ASIC2: variants seen among roughly 807,000 people sequenced by gnomAD.
The protein encoded by ASIC2 is acid sensing ion channel subunit 2.
A neutral mutation model predicts 57.3 loss-of-function variants in ASIC2; 25 were observed. The observed-to-expected ratio is 0.44, with a 90% CI of 0.32 to 0.61. ASIC2 has a LOEUF of 0.61. Among genes scored for constraint, ASIC2 ranks in the 20% least tolerant of loss-of-function variants. ASIC2 has a pLI of 0.06. For synonymous variants in ASIC2, 319 were observed against 307.5 expected (o/e 1.04, Z -0.39); for missense variants, 641 against 738.1 (o/e 0.87, Z 1.52).
chr17:33,974,377 T>C (rs373010708), intron 1 of ASIC2, among the ~76,000 whole-genome samples: 3 of 152,312 alleles, frequency 2.0e-5, no homozygotes, highest in East Asian at 3.9e-4. Context: ...TGTGTGTGTA[T>C]GTATGTGTGT....
intron 1 of ASIC2, among the ~76,000 whole-genome samples, chr17:33,698,978 T>A (rs1344896276): frequency 6.6e-6 from 1 of 152,128 alleles, no homozygotes; most frequent in East Asian, 1.9e-4. Flanking sequence ...CAAAATGCTG[T>A]CTCCTCATTG....
intron 1 of ASIC2, chr17:33,794,836 G>C (rs1911869636): frequency 6.6e-6 from 1 of 152,140 alleles, no homozygotes; most frequent in Non-Finnish European, 1.5e-5. Flanking sequence ...ACCAGCAGCA[G>C]GTAGCACAGT....
chr17:33,267,757 G>C (rs1909521316), intron 1 of ASIC2, among the ~76,000 whole-genome samples: 1 of 152,166 alleles, frequency 6.6e-6, no homozygotes, highest in African/African-American at 2.4e-5. Flanking sequence ...TCCGGGGAGG[G>C]ACAGGATACC....
intron 1 of ASIC2, chr17:34,082,160 C>T (rs1228437297): frequency 6.6e-6 from 1 of 152,210 alleles, no homozygotes; most frequent in Non-Finnish European, 1.5e-5. Flanking sequence ...AGGAAGCCTT[C>T]TCAAAGTCCA....
At chr17:33,423,358 A>C (rs1353426612) in intron 1 of ASIC2, among the ~76,000 whole-genome samples, 1 of 152,162 alleles carries the variant, frequency 6.6e-6, no homozygotes, top group Non-Finnish European at 1.5e-5. Flanking sequence ...TGACTGGGGA[A>C]CTACAGGCTG....
At chr17:33,600,863 C>G (rs912458996) in intron 1 of ASIC2, among the ~76,000 whole-genome samples, 1 of 152,028 alleles carries the variant, frequency 6.6e-6, no homozygotes, top group Middle Eastern at 3.2e-3. Flanking sequence ...AGGTCTCAGA[C>G]AGAAATGAGG....
chr17:33,731,141 T>C (rs535820779), intron 1 of ASIC2, among the ~76,000 whole-genome samples: 1 of 152,354 alleles, frequency 6.6e-6, no homozygotes, highest in African/African-American at 2.4e-5. Context: ...ACCCTGTTTA[T>C]ATTCTCACAC....
At chr17:34,019,527 ACCCTC>A (rs1907083926) in intron 1 of ASIC2, among the ~76,000 whole-genome samples, 1 of 152,192 alleles carries the variant, frequency 6.6e-6, no homozygotes, top group South Asian at 2.1e-4. Context: ...CTGAGGCAAG[ACCCTC>A]CACCAGCAAA....
chr17:34,133,269 T>C (rs554244232), intron 1 of ASIC2, among the ~76,000 whole-genome samples: 8 of 149,374 alleles, frequency 5.4e-5, no homozygotes, highest in African/African-American at 1.7e-4. Flanking sequence ...TTGGTTATTT[T>C]CTACTTTTAT....
chr17:33,880,759 A>G (rs1423192859), intron 1 of ASIC2, among the ~76,000 whole-genome samples: 2 of 152,232 alleles, frequency 1.3e-5, no homozygotes, highest in African/African-American at 4.8e-5. Context: ...AACTCATTTT[A>G]TGAGGCCAGC....
At chr17:33,476,740 G>C (rs1239565970) in intron 1 of ASIC2, among the ~76,000 whole-genome samples, 1 of 151,932 alleles carries the variant, frequency 6.6e-6, no homozygotes, top group African/African-American at 2.4e-5. Context: ...CAGATGAAAA[G>C]AGTAGGCTCT....
At chr17:33,577,465 T>G (rs1229443068) in intron 1 of ASIC2, among the ~76,000 whole-genome samples, 1 of 152,120 alleles carries the variant, frequency 6.6e-6, no homozygotes, top group African/African-American at 2.4e-5. Context: ...GGCCTCCCCA[T>G]GCTGTGGAGA....
intron 1 of ASIC2, among the ~76,000 whole-genome samples, chr17:33,510,642 T>C (rs1023199246): frequency 1.3e-5 from 2 of 151,984 alleles, no homozygotes; most frequent in Non-Finnish European, 2.9e-5. Context: ...AAAATAAAAC[T>C]AAACATTAAA....
intron 1 of ASIC2, among the ~76,000 whole-genome samples, chr17:33,397,683 C>T (rs376353010): frequency 1.1e-4 from 16 of 152,106 alleles, no homozygotes; most frequent in African/African-American, 3.6e-4. Flanking sequence ...GCCCTTGGAA[C>T]CCTAGAGAAA....
In ASIC2 at chr17:33,104,446, T is replaced by C. The variant is rs1597579586; in HGVS notation, c.859+7471A>G. Among the ~76,000 whole-genome samples, 5 of 152,192 alleles carry C rather than the reference T, an allele frequency of 3.3e-5. No homozygotes were observed. In the South Asian group the frequency reaches 1.0e-3, roughly 32 times the overall value. On this transcript the variant is annotated intron_variant, in intron 2 of 9. Coordinates refer to ENST00000225823, the MANE Select transcript of ASIC2 (RefSeq NM_183377.2). Reference sequence around the variant, plus strand: ...ACCAGCACTTTTAATCCCAATGACATCTGCCTCCCATCCAGTGGTTTTCAA... The same window carrying C: ...ACCAGCACTTTTAATCCCAATGACACCTGCCTCCCATCCAGTGGTTTTCAA...
intron 1 of ASIC2, among the ~76,000 whole-genome samples, chr17:33,168,774 G>A (rs565455200): frequency 6.6e-6 from 1 of 152,098 alleles, no homozygotes; most frequent in East Asian, 1.9e-4. Flanking sequence ...AATACTTAAA[G>A]ACAAAATTTA....
intron 1 of ASIC2, among the ~76,000 whole-genome samples, chr17:33,687,423 T>C (rs569868889): frequency 2.0e-5 from 3 of 152,178 alleles, no homozygotes; most frequent in Non-Finnish European, 2.9e-5. Flanking sequence ...GTGATGTTTC[T>C]CATGCGTCAG....
rs146871397 is a variant in ASIC2, at chr17:33,489,550, C to T, written c.556-377483G>A. Among the ~76,000 whole-genome samples the T allele has an allele frequency of 4.1e-4, 62 of 152,280 alleles. 1 individual carries two copies. The highest frequency in any genetic ancestry group is 1.5e-3 in the African/African-American group (61 of 41,558). On this transcript the variant is annotated intron_variant, in intron 1 of 9. Transcript: ENST00000359872. ...CCCCCACCCAAGTCAGCTCACTGGCCCTGGACACTGAAGCTGTCAGTTTCC... is the reference window on the plus strand; with the variant it reads ...CCCCCACCCAAGTCAGCTCACTGGCTCTGGACACTGAAGCTGTCAGTTTCC...
At chr17:33,962,257 T>C (rs4542704) in intron 1 of ASIC2, among the ~76,000 whole-genome samples, 15,452 of 152,262 alleles carry the variant, frequency 0.1, 926 homozygotes, top group Middle Eastern at 0.18. Flanking sequence ...TAGGGTTCTT[T>C]GGAACATGGA....
Sources: allele counts gnomAD v4.1 joint callset (sites outside exome capture counted in the v4.1 genomes callset), GRCh38; gene constraint gnomAD v4.1.1; transcripts MANE v1.5; gene names NCBI Gene and HGNC (gene_info 2026-07-23, HGNC 2026-07-21).